The following EFR3A variants were observed in gnomAD, a reference collection of about 807,000 sequenced individuals.
EFR3A encodes protein EFR3 homolog A.
EFR3A carries 76 observed loss-of-function variants against 104.4 expected under a neutral mutation model. The ratio of observed to expected loss-of-function variants is 0.73; its 90% confidence interval spans 0.60 to 0.88. The LOEUF is 0.88. Ranked by LOEUF, EFR3A falls within the 40% of genes least tolerant of loss-of-function variation. The probability of loss-of-function intolerance (pLI) is 0.00; values close to 1 mark genes in which losing one functional copy is unlikely to be tolerated. For synonymous variants in EFR3A, 330 were observed against 330.0 expected, an observed-to-expected ratio of 1.00 and a Z score of 0.00; for missense variants, 985 against 1,012.5, an observed-to-expected ratio of 0.97 and a Z score of 0.37.
chr8:131,994,983 C>T (rs1821400758), intron 18 of EFR3A, among the ~76,000 whole-genome samples: 1 of 152,110 alleles, frequency 6.6e-6, no homozygotes. Flanking sequence ...AGCTTGGCAT[C>T]ATTGTCACCC....
At position 131,905,650 on chromosome 8, in the gene EFR3A, C is replaced by G. The variant is rs1434796659; in HGVS notation, c.10+1328C>G. 3.9e-5 allele frequency among the ~76,000 whole-genome samples: 6 copies of G among 152,128 alleles called. No homozygotes were observed. In the East Asian group the frequency reaches 1.2e-3, roughly 29 times the overall value. On this transcript the variant is annotated intron_variant, in intron 1 of 22. Coordinates refer to ENST00000254624, the MANE Select transcript of EFR3A (RefSeq NM_015137.6). ...TCCAGTTTAAATTTCTGTTTTATTC[C>G]TTTTGGCTGGAGGAATATCATTTAC...
At chr8:131,916,607 C>T (rs1382857832) in intron 1 of EFR3A, among the ~76,000 whole-genome samples, 1 of 152,124 alleles carries the variant, frequency 6.6e-6, no homozygotes, top group East Asian at 1.9e-4. Flanking sequence ...TGAGGGCAAA[C>T]TCTTGAGGAA....
At chr8:131,938,975 T>C (rs187057953) in intron 1 of EFR3A, among the ~76,000 whole-genome samples, 15 of 152,280 alleles carry the variant, frequency 9.9e-5, no homozygotes, top group African/African-American at 3.6e-4. Context: ...TTGATATAGT[T>C]ATGGTTGTGA....
chr8:131,909,448 A>T (rs750102640), intron 1 of EFR3A, among the ~76,000 whole-genome samples: 25 of 152,162 alleles, frequency 1.6e-4, no homozygotes, highest in Non-Finnish European at 8.8e-5. Context: ...TTGGAGGCTG[A>T]GGCAGGAGGA....
At chr8:131,964,336 C>G (rs1216579217) in intron 8 of EFR3A, among the ~76,000 whole-genome samples, 2 of 152,040 alleles carry the variant, frequency 1.3e-5, no homozygotes, top group Non-Finnish European at 2.9e-5. Flanking sequence ...TCATCTCAGC[C>G]CAAAATCTCC....
At chr8:131,970,888 T>C (rs899160322) in intron 10 of EFR3A, among the ~76,000 whole-genome samples, 2 of 152,160 alleles carry the variant, frequency 1.3e-5, no homozygotes, top group Admixed American at 6.5e-5. Context: ...CTTCATTTGC[T>C]TTTACTCTCT....
chr8:131,916,781 A>G (rs1236553372), intron 1 of EFR3A, among the ~76,000 whole-genome samples: 7 of 152,228 alleles, frequency 4.6e-5, no homozygotes, highest in Non-Finnish European at 1.0e-4. Context: ...CCAATGTAGC[A>G]AGAAGCAGAA....
rs919463996 is a variant in EFR3A at position 132,009,842 on chromosome 8, A to AT, written c.2361-940dup. Among the ~76,000 whole-genome samples the AT allele has an allele frequency of 2.9e-4, 44 of 152,050 alleles. No homozygotes were observed. In the East Asian group the frequency reaches 7.1e-3, roughly 25 times the overall value. On this transcript the variant is annotated intron_variant, in intron 22 of 22. Coordinates refer to ENST00000254624, the MANE Select transcript of EFR3A (RefSeq NM_015137.6). ...ACTAAAAATTATAAGGAAATAATTG[A>AT]TTTTTTTTGGTAAGGCTTTTAAGCA...
intron 1 of EFR3A, among the ~76,000 whole-genome samples, chr8:131,930,755 G>A (rs1304352664): frequency 6.6e-6 from 1 of 152,014 alleles, no homozygotes; most frequent in Non-Finnish European, 1.5e-5. Flanking sequence ...CCAGTGATAG[G>A]TCTTTATCAC....
chr8:131,973,655 C>T (rs1280771052), intron 10 of EFR3A, among the ~76,000 whole-genome samples: 2 of 152,016 alleles, frequency 1.3e-5, no homozygotes, highest in African/African-American at 2.4e-5. Context: ...CAGATCATGG[C>T]GTTATTCCTG....
chr8:131,924,266 C>T, intron 1 of EFR3A: 1 of 216,032 alleles, frequency 4.6e-6, no homozygotes, highest in Non-Finnish European at 9.9e-6. Flanking sequence ...ATTATTTGTC[C>T]TTGACTCGGC....
intron 5 of EFR3A, 124 bp from the exon 6 acceptor site, chr8:131,953,689 GTTATT>G: frequency 4.3e-6 from 4 of 926,514 alleles, no homozygotes; most frequent in Non-Finnish European, 5.9e-6. Flanking sequence ...AGACTTGTGT[GTTATT>G]TTAAGATATT....
rs1426852652 is a variant in EFR3A, at chr8:131,985,119, C to G, written c.1869+59C>G. The G allele has an allele frequency of 2.0e-6, 3 of 1,489,924 alleles. No homozygotes were observed. The Admixed American group carries it at 5.5e-5, about 27-fold the overall frequency. The allele number at this position is 1,489,924 out of a possible 1,614,324, so 92.3% of individuals were successfully genotyped here. A position where few individuals can be genotyped will look rare whatever the true frequency, so the allele number is the denominator to read the frequency against. On this transcript the variant is annotated intron_variant, in intron 16 of 22. Coordinates refer to ENST00000254624, the MANE Select transcript of EFR3A (RefSeq NM_015137.6). Reference sequence around the variant, plus strand: ...TTTGTACAAAATTGCTAATTTTATTCCAGTGATGATTATTTTTAACTTTGG... The same window carrying G: ...TTTGTACAAAATTGCTAATTTTATTGCAGTGATGATTATTTTTAACTTTGG...
intron 1 of EFR3A, 32 bp from the exon 2 acceptor site, chr8:131,940,467 T>A: frequency 6.5e-7 from 1 of 1,537,316 alleles, no homozygotes; most frequent in Non-Finnish European, 8.7e-7. Context: ...ATTAATAATA[T>A]CTGTATTTCT....
At chr8:131,942,468 C>G (rs1171480216) in intron 2 of EFR3A, among the ~76,000 whole-genome samples, 1 of 151,982 alleles carries the variant, frequency 6.6e-6, no homozygotes, top group Non-Finnish European at 1.5e-5. Context: ...AATTAGTAGC[C>G]AGATGATCTT....
In EFR3A at chr8:131,981,947, G is replaced by GA. The variant is rs554595295; in HGVS notation, c.1576-2187dup. 1.8e-3 allele frequency among the ~76,000 whole-genome samples: 276 copies of GA among 152,152 alleles called. 2 individuals carry two copies. The highest frequency in any genetic ancestry group is 6.5e-3 in the African/African-American group (268 of 41,534). ...CTCACTATATAGTTTCTCACCATGT[G>GA]AAAAAGCTCTTGTTAATGTTTCACC... On this transcript the variant is annotated intron_variant, in intron 14 of 22. Coordinates refer to ENST00000254624, the MANE Select transcript of EFR3A (RefSeq NM_015137.6).
intron 1 of EFR3A, among the ~76,000 whole-genome samples, chr8:131,918,896 G>A (rs1816865845): frequency 6.6e-6 from 1 of 152,156 alleles, no homozygotes. Flanking sequence ...TATCCTATTT[G>A]TGAATTACTT....
At chr8:131,996,851 T>C (rs910533930) in intron 19 of EFR3A, among the ~76,000 whole-genome samples, 3 of 152,100 alleles carry the variant, frequency 2.0e-5, no homozygotes, top group East Asian at 3.8e-4. Flanking sequence ...GTCCTACTTA[T>C]TTTTAAAAAT....
Position 132,011,222 on chromosome 8 carries a change from C to T in EFR3A, c.*327C>T, listed in dbSNP as rs1037143997. The stretch of plus-strand genomic sequence containing the variant: ...AATGTAATGTTTTTTAAAAAGTAAG[C>T]CTTCAGAGGATTGAAACTGTATAAA... On this transcript the variant is annotated 3_prime_UTR_variant, in exon 23 of 23. Coordinates refer to ENST00000254624, the MANE Select transcript of EFR3A (RefSeq NM_015137.6). The T allele has an allele frequency of 3.0e-6, 3 of 1,011,692 alleles. No individual in the cohort carries two copies. 62.7% of individuals were successfully genotyped at this position (1,011,692 alleles called of 1,614,324 possible).
Sources: allele counts gnomAD v4.1 joint callset (sites outside exome capture counted in the v4.1 genomes callset), GRCh38; gene constraint gnomAD v4.1.1; transcripts MANE v1.5; gene names NCBI Gene and HGNC (gene_info 2026-07-23, HGNC 2026-07-21).